Variants in PCDHA7 observed in about 807,000 individuals in gnomAD.
PCDHA7 encodes the protein protocadherin alpha 7, also known as protocadherin alpha-7.
Under a neutral mutation model 57.2 loss-of-function variants are expected in PCDHA7, and 37 were observed. That is an observed-to-expected ratio of 0.65 (90% CI 0.50 to 0.85). The LOEUF is 0.85. Among genes scored for constraint, PCDHA7 ranks in the 40% least tolerant of loss-of-function variants. PCDHA7 has a pLI of 0.00. For synonymous variants in PCDHA7, 553 were observed against 558.8 expected (o/e 0.99, Z 0.15); for missense variants, 1,188 against 1,241.8 (o/e 0.96, Z 0.65).
chr5:140,854,113 G>A (rs2042980116), intron 1 of PCDHA7: 1 of 316,648 alleles, frequency 3.2e-6, no homozygotes, highest in African/African-American at 2.4e-5. Flanking sequence ...AGTGAACTGT[G>A]ATGGCACAAC....
chr5:140,856,253 A>T lies in PCDHA7; in HGVS notation c.2355+19515A>T, dbSNP rs545226629. On this transcript the variant is annotated intron_variant, in intron 1 of 3. Coordinates refer to ENST00000525929, the MANE Select transcript of PCDHA7 (RefSeq NM_018910.3). ...GCGCCTGTTCCGGGTGGCGTCCAAA[A>T]GACACGGGGACCTTCTGGAGGTAAA... The T allele has an allele frequency of 1.3e-6, 2 of 1,598,032 alleles. 1 individual carries two copies. The highest frequency in any genetic ancestry group is 2.7e-5 in the African/African-American group (2 of 74,378).
chr5:140,929,645 C>G (rs1271694172), intron 1 of PCDHA7: 1 of 366,374 alleles, frequency 2.7e-6, no homozygotes, highest in Non-Finnish European at 5.0e-6. Context: ...ATGTGTAAGG[C>G]ACTCTAATAT....
At chr5:140,975,933 AG>A (rs1216240117) in intron 1 of PCDHA7, among the ~76,000 whole-genome samples, 1 of 152,194 alleles carries the variant, frequency 6.6e-6, no homozygotes, top group Non-Finnish European at 1.5e-5. Flanking sequence ...TAACCTTTGA[AG>A]CAATAGGACA....
intron 1 of PCDHA7, among the ~76,000 whole-genome samples, chr5:140,946,263 G>T (rs1168857420): frequency 6.6e-6 from 1 of 151,750 alleles, no homozygotes; most frequent in East Asian, 1.9e-4. Flanking sequence ...AGAAAAATGC[G>T]AATTAAAACC....
intron 1 of PCDHA7, among the ~76,000 whole-genome samples, chr5:140,910,829 C>G (rs938702955): frequency 6.6e-6 from 1 of 152,184 alleles, no homozygotes; most frequent in Non-Finnish European, 1.5e-5. Flanking sequence ...TAAATTCAGC[C>G]TGATCCAATG....
chr5:140,875,910 G>A, intron 1 of PCDHA7: 1 of 1,614,172 alleles, frequency 6.2e-7, no homozygotes, highest in South Asian at 1.1e-5. Context: ...CTGAATCTGC[G>A]CCTCTGGACT....
chr5:140,891,977 A>G (rs2063334150), intron 1 of PCDHA7, among the ~76,000 whole-genome samples: 1 of 152,206 alleles, frequency 6.6e-6, no homozygotes, highest in Non-Finnish European at 1.5e-5. Flanking sequence ...TTCCGTTCTC[A>G]TAAATTACTC....
chr5:140,900,752 T>C lies in PCDHA7; in HGVS notation c.2355+64014T>C, dbSNP rs565842266. On this transcript the variant is annotated intron_variant, in intron 1 of 3. Coordinates refer to ENST00000525929, the MANE Select transcript of PCDHA7 (RefSeq NM_018910.3). ...GCAGTGGGATTTCTGGATCACTTGG[T>C]AGCTCTATTTTTGGCTTTTTGAGGA... Among the ~76,000 whole-genome samples, 3 of 152,272 alleles carry C rather than the reference T, an allele frequency of 2.0e-5. No homozygotes were observed. In the East Asian group the frequency reaches 5.8e-4, roughly 29 times the overall value.
At position 140,852,209 on chromosome 5, in the gene PCDHA7, A is replaced by AATTTTTATTTT. The variant is rs1554145712; in HGVS notation, c.2355+15472_2355+15473insTTTTTATTTTA. The AATTTTTATTTT allele has an allele frequency of 1.2e-5, 8 of 650,776 alleles. No homozygotes were observed. The East Asian group carries it at 1.1e-3, about 87-fold the overall frequency. 40.3% of individuals were successfully genotyped at this position (650,776 alleles called of 1,614,324 possible). ...AATGCCAGTAACGTTTATTTAAAAC[A>AATTTTTATTTT]AAATATTTTAATTTTTAAATTTTCC... is the stretch of plus-strand genomic sequence containing the variant. On this transcript the variant is annotated intron_variant, in intron 1 of 3. Coordinates refer to ENST00000525929, the MANE Select transcript of PCDHA7 (RefSeq NM_018910.3).
intron 1 of PCDHA7, chr5:140,859,976 T>C (rs2046117770): frequency 6.6e-6 from 1 of 151,980 alleles, no homozygotes; most frequent in African/African-American, 2.4e-5. Context: ...GGTATACAAG[T>C]GCATTAATCT....
At chr5:140,870,452 A>G in intron 1 of PCDHA7, 1 of 1,614,168 alleles carries the variant, frequency 6.2e-7, no homozygotes, top group Non-Finnish European at 8.5e-7. Context: ...GTGAACGACA[A>G]TGCGCCTGCG....
chr5:140,982,544 A>G lies in PCDHA7; in HGVS notation c.2484A>G (p.Thr828=), dbSNP rs781800144. 1.5e-5 allele frequency: 25 copies of G among 1,614,098 alleles called. No individual in the cohort carries two copies. Among genetic ancestry groups the G allele is most frequent in the Non-Finnish European group, 2.1e-5 (25 of 1,180,048 alleles). Residue 828 remains threonine (T), a synonymous_variant, in exon 3 of 4, where the codon ACA becomes ACG. Coordinates refer to ENST00000525929, the MANE Select transcript of PCDHA7 (RefSeq NM_018910.3). ...GAGGGCCTGATCAGCAGTGGCCAAC[A>G]GTATCCAGTGCAACACCAGGTAAAG... The part of the protein sequence containing the change: ...GPGGPDQQWP[T]VSSATPEPEA...
chr5:141,006,384 T>C, intron 3 of PCDHA7, among the ~76,000 whole-genome samples: 2 of 152,126 alleles, frequency 1.3e-5, no homozygotes, highest in South Asian at 4.2e-4. Flanking sequence ...GCTAAGTTTT[T>C]TCTATTTTTT....
intron 1 of PCDHA7, among the ~76,000 whole-genome samples, chr5:140,945,003 C>A (rs2093723763): frequency 6.6e-6 from 1 of 152,064 alleles, no homozygotes; most frequent in South Asian, 2.1e-4. Flanking sequence ...GGTTGTGGGT[C>A]ATGAATTATT....
chr5:140,850,269 G>C lies in PCDHA7; in HGVS notation c.2355+13531G>C, dbSNP rs201513560. ...GTCGGTGGGCGCCGGCGTAGTGGTGGGGAAGGTGCGCGCAGTGGACGCCGA... is the reference window on the plus strand; with the variant it reads ...GTCGGTGGGCGCCGGCGTAGTGGTGCGGAAGGTGCGCGCAGTGGACGCCGA... On this transcript the variant is annotated intron_variant, in intron 1 of 3. Transcript: ENST00000525929. 7 of 1,594,786 alleles carry C rather than the reference G, an allele frequency of 4.4e-6. 1 individual carries two copies. The highest frequency in any genetic ancestry group is 1.3e-5 in the African/African-American group (1 of 74,148).
chr5:140,848,591 C>A lies in PCDHA7; in HGVS notation c.2355+11853C>A. 1.9e-6 allele frequency: 3 copies of A among 1,594,690 alleles called. 1 individual carries two copies. Among genetic ancestry groups the A allele is most frequent in the Non-Finnish European group, 2.6e-6 (3 of 1,164,772 alleles). On this transcript the variant is annotated intron_variant, in intron 1 of 3. Coordinates refer to ENST00000525929, the MANE Select transcript of PCDHA7 (RefSeq NM_018910.3). ...GGGTGGTGGGGAGCGGCCAGCTCCACTACTCCGTCCCGGAGGAAGCCGAAC... is the reference window on the plus strand; with the variant it reads ...GGGTGGTGGGGAGCGGCCAGCTCCAATACTCCGTCCCGGAGGAAGCCGAAC...
At chr5:140,875,049 T>C (rs2055250146) in intron 1 of PCDHA7, among the ~76,000 whole-genome samples, 1 of 152,252 alleles carries the variant, frequency 6.6e-6, no homozygotes, top group Non-Finnish European at 1.5e-5. Context: ...ATTTCTACTT[T>C]GAAGCAGAAA....
chr5:140,911,672 C>G (rs1010402307), intron 1 of PCDHA7, among the ~76,000 whole-genome samples: 1 of 152,156 alleles, frequency 6.6e-6, no homozygotes, highest in Non-Finnish European at 1.5e-5. Context: ...TTGCCTCTCA[C>G]GAACCGTGCA....
chr5:140,848,546 G>A, intron 1 of PCDHA7: 1 of 1,595,440 alleles, frequency 6.3e-7, no homozygotes, highest in Non-Finnish European at 8.6e-7. Context: ...TACTGCTCTC[G>A]CTTCTGATCC....
Sources: allele counts gnomAD v4.1 joint callset (sites outside exome capture counted in the v4.1 genomes callset), GRCh38; gene constraint gnomAD v4.1.1; transcripts MANE v1.5; gene names NCBI Gene and HGNC (gene_info 2026-07-23, HGNC 2026-07-21).